The following KMT2A variants were observed in gnomAD, a reference collection of about 807,000 sequenced individuals.
KMT2A encodes lysine methyltransferase 2A.
KMT2A carries 16 observed loss-of-function variants against 345.3 expected under a neutral mutation model. The ratio of observed to expected loss-of-function variants is 0.05; its 90% confidence interval spans 0.03 to 0.07. The LOEUF is 0.07. Ranked by LOEUF, KMT2A falls within the 10% of genes least tolerant of loss-of-function variation. KMT2A has a pLI of 1.00. For synonymous variants in KMT2A, 1,599 were observed against 1,778.6 expected, an observed-to-expected ratio of 0.90 and a Z score of 2.54; for missense variants, 3,272 against 4,841.6, an observed-to-expected ratio of 0.68 and a Z score of 9.62.
chr11:118,490,295 G>A lies in KMT2A; in HGVS notation c.4696+46G>A. 6.6e-7 allele frequency: 1 copy of A among 1,511,816 alleles called. No homozygotes were observed. The highest frequency in any genetic ancestry group is 8.8e-7 in the Non-Finnish European group (1 of 1,139,284). The allele number at this position is 1,511,816 out of a possible 1,614,324, so 93.7% of individuals were successfully genotyped here. On this transcript the variant is annotated intron_variant, in intron 13 of 35. Coordinates refer to ENST00000534358, the MANE Select transcript of KMT2A (RefSeq NM_001197104.2). This position sits in a 1 kb window ranked among gnomAD's most constrained non-coding sequence, Gnocchi z 4.2. ...TGCCAGCTTTCGGAGGTTGTACTTGGTGTTCTGGAGGTGAACTAGACTCTA... is the reference window on the plus strand; with the variant it reads ...TGCCAGCTTTCGGAGGTTGTACTTGATGTTCTGGAGGTGAACTAGACTCTA...
Position 118,500,977 on chromosome 11 carries a change from G to T in KMT2A, c.6159-10G>T, listed in dbSNP as rs868926850. The T allele has an allele frequency of 1.9e-6, 3 of 1,603,164 alleles. No homozygotes were observed. The highest frequency in any genetic ancestry group is 1.7e-4 in the Middle Eastern group (1 of 6,016). On this transcript the variant is annotated splice_polypyrimidine_tract_variant and intron_variant, in intron 24 of 35. Coordinates refer to ENST00000534358, the MANE Select transcript of KMT2A (RefSeq NM_001197104.2). The stretch of plus-strand genomic sequence containing the variant: ...CCCTTATGATGATTTTCCCAAATCT[G>T]TTTACCCAGGTGTTCCAGGGTATAC...
At chr11:118,512,052 C>G in intron 31 of KMT2A, 27 bp downstream of exon 31, 1 of 1,588,884 alleles carries the variant, frequency 6.3e-7, no homozygotes, top group Non-Finnish European at 8.6e-7. Flanking sequence ...TTATTCCACT[C>G]CTGTCTCAGA....
intron 10 of KMT2A, among the ~76,000 whole-genome samples, chr11:118,487,295 C>T (rs1473507171): frequency 6.6e-6 from 1 of 152,078 alleles, no homozygotes; most frequent in African/African-American, 2.4e-5. Flanking sequence ...TATAATTGTT[C>T]TGATCTAAAT....
chr11:118,489,726 C>CT, intron 11 of KMT2A, 66 bp from the exon 12 acceptor site: 2 of 1,316,752 alleles, frequency 1.5e-6, no homozygotes, highest in Non-Finnish European at 2.2e-6. Context: ...AAATGGGGTA[C>CT]TAAGTAATAG....
Position 118,494,840 on chromosome 11 carries a change from G to A in KMT2A, c.5363+73G>A. On this transcript the variant is annotated intron_variant, in intron 18 of 35. Transcript: ENST00000534358. The surrounding 1 kb of genome is among the most constrained non-coding windows in gnomAD (Gnocchi z 5.8). The stretch of plus-strand genomic sequence containing the variant: ...CTGAGAGTTCTCATATTTCTAGATT[G>A]CAGTTTTCCAAAAGGTTTTAATACT... 10 of 1,244,268 alleles carry A rather than the reference G, an allele frequency of 8.0e-6. No homozygotes were observed. The highest frequency in any genetic ancestry group is 1.2e-5 in the Non-Finnish European group (10 of 858,186). The allele number at this position is 1,244,268 out of a possible 1,614,324, so 77.1% of individuals were successfully genotyped here. A position where few individuals can be genotyped will look rare whatever the true frequency, so the allele number is the denominator to read the frequency against.
rs782215946 is a variant in KMT2A at position 118,473,759 on chromosome 11, G to C, written c.2600G>C (p.Ser867Thr). The C allele has an allele frequency of 1.2e-6, 2 of 1,613,962 alleles. No homozygotes were observed. Among genetic ancestry groups the C allele is most frequent in the Non-Finnish European group, 1.7e-6 (2 of 1,179,922 alleles). ...TCCAAAGATCGAGATGCTGACAAGA[G>C]CGTGGAGAAGGACAAGAGTAGAGAG... is the stretch of plus-strand genomic sequence containing the variant. ...ELSKDRDADKSVEKDKSRERD... is the reference protein window; with the variant it reads ...ELSKDRDADKTVEKDKSRERD... Residue 867 changes from serine (S) to threonine (T), a missense_variant, in exon 3 of 36, where the codon AGC (serine) becomes ACC (threonine). Coordinates refer to ENST00000534358, the MANE Select transcript of KMT2A (RefSeq NM_001197104.2). This position sits in a 1 kb window ranked among gnomAD's most constrained non-coding sequence, Gnocchi z 5.2.
In KMT2A at chr11:118,501,103, A is replaced by G; in HGVS notation, c.6275A>G (p.His2092Arg). Residue 2092 changes from histidine to arginine, a missense_variant, in exon 25 of 36, where the codon CAT becomes CGT. By Grantham distance (29) the His-to-Arg change is conservative. Transcript: ENST00000534358. Reference sequence around the variant, plus strand: ...CCGGATATCAACAGCACTGTTGAACATGATGAAAACAGGACCATTGCCCAT... The same window carrying G: ...CCGGATATCAACAGCACTGTTGAACGTGATGAAAACAGGACCATTGCCCAT... ...VEPDINSTVE[H>R]DENRTIAHSP... The G allele has an allele frequency of 6.2e-7, 1 of 1,614,140 alleles. No homozygotes were observed. The highest frequency in any genetic ancestry group is 2.2e-5 in the East Asian group (1 of 44,892).
chr11:118,439,042 T>C (rs1455665167), intron 1 of KMT2A: 2 of 513,808 alleles, frequency 3.9e-6, no homozygotes, highest in Non-Finnish European at 7.8e-6. Flanking sequence ...ACAGATCCCA[T>C]GTAGTTGGAG....
At chr11:118,469,897 G>A (rs561452141) in intron 2 of KMT2A, among the ~76,000 whole-genome samples, 1 of 152,296 alleles carries the variant, frequency 6.6e-6, no homozygotes, top group South Asian at 2.1e-4. Context: ...GGGGGCAGTT[G>A]GCCAGTAGTG....
At position 118,485,066 on chromosome 11, in the gene KMT2A, CA is replaced by C; in HGVS notation, c.4332+92del. ...TATAGTCTGTTTTGTTGGTATTTAG[CA>C]GGTACTATTCCCTGTTTAAACCAGC... On this transcript the variant is annotated intron_variant, in intron 10 of 35. Transcript: ENST00000534358. The C allele has an allele frequency of 5.0e-6, 4 of 804,696 alleles. No homozygotes were observed. The Admixed American group carries it at 8.9e-5, about 18-fold the overall frequency. 49.8% of individuals were successfully genotyped at this position (804,696 alleles called of 1,614,324 possible). A position where few individuals can be genotyped will look rare whatever the true frequency, so the allele number is the denominator to read the frequency against.
intron 10 of KMT2A, among the ~76,000 whole-genome samples, chr11:118,488,074 G>A (rs1555041379): frequency 6.6e-6 from 1 of 152,178 alleles, no homozygotes; most frequent in East Asian, 1.9e-4. Context: ...CAGCTACTCA[G>A]GAGACTGAGG....
At chr11:118,437,785 A>T (rs558405021) in intron 1 of KMT2A, among the ~76,000 whole-genome samples, 1 of 151,458 alleles carries the variant, frequency 6.6e-6, no homozygotes, top group East Asian at 2.0e-4. Context: ...GATTAGTGGC[A>T]TCTTGGAGGG....
intron 1 of KMT2A, among the ~76,000 whole-genome samples, chr11:118,437,211 C>G (rs1190234836): frequency 6.6e-6 from 1 of 151,820 alleles, no homozygotes; most frequent in African/African-American, 2.4e-5. Context: ...TGGCACAGAC[C>G]CCCTCGCCGG....
Position 118,505,871 on chromosome 11 carries a change from A to G in KMT2A, c.9979A>G (p.Ser3327Gly), listed in dbSNP as rs1555048035. Residue 3327 changes from serine to glycine, a missense_variant, in exon 27 of 36, where the codon AGC (serine) becomes GGC (glycine). By Grantham distance (56) the Ser-to-Gly change is moderately conservative. Transcript: ENST00000534358. The surrounding 1 kb of genome is among the most constrained non-coding windows in gnomAD (Gnocchi z 4.6). Reference sequence around the variant, plus strand: ...CACATCAACAATAAGCCAGGATACTAGCCACCTCACATCAGGGTCTGTGTC... The same window carrying G: ...CACATCAACAATAAGCCAGGATACTGGCCACCTCACATCAGGGTCTGTGTC... Reference protein sequence around the residue: ...AGTSTISQDTSHLTSGSVSGL... With the variant: ...AGTSTISQDTGHLTSGSVSGL... 3 of 1,614,214 alleles carry G rather than the reference A, an allele frequency of 1.9e-6. No individual in the cohort carries two copies. In the Admixed American group the frequency reaches 5.0e-5, roughly 27 times the overall value.
In KMT2A at chr11:118,496,211, C is replaced by G; in HGVS notation, c.5558-50C>G. 1.5e-6 allele frequency: 2 copies of G among 1,326,264 alleles called. No individual in the cohort carries two copies. The highest frequency in any genetic ancestry group is 2.2e-6 in the Non-Finnish European group (2 of 919,668). 82.2% of individuals were successfully genotyped at this position (1,326,264 alleles called of 1,614,324 possible). On this transcript the variant is annotated intron_variant, in intron 19 of 35. Transcript: ENST00000534358. The surrounding 1 kb of genome is among the most constrained non-coding windows in gnomAD (Gnocchi z 4.7). Reference sequence around the variant, plus strand: ...TCCTTGAAATCAGACATAGTATTGCCAATTTTAACTGGATCTCAAGGTATT... The same window carrying G: ...TCCTTGAAATCAGACATAGTATTGCGAATTTTAACTGGATCTCAAGGTATT...
rs1951035657 is a variant in KMT2A, at chr11:118,524,347, C to T, written c.*2175C>T. 2 of 191,904 alleles carry T rather than the reference C, an allele frequency of 1.0e-5. No individual in the cohort carries two copies. Among genetic ancestry groups the T allele is most frequent in the Non-Finnish European group, 2.2e-5 (2 of 91,280 alleles). The allele number at this position is 191,904 out of a possible 1,614,324, so 11.9% of individuals were successfully genotyped here. A position where few individuals can be genotyped will look rare whatever the true frequency, so the allele number is the denominator to read the frequency against. ...CCTATGGAAGTCTAGCAAAGCAATA[C>T]GACTCAGCCCAGCACTCTCTGCCCC... On this transcript the variant is annotated 3_prime_UTR_variant, in exon 36 of 36. Transcript: ENST00000534358.
rs1484155195 is a variant in KMT2A, at chr11:118,520,599, C to T, written c.11430-203C>T. ...CCAGGAGGCGGAGGTTACAGTGAGC[C>T]GAGATCGCACCACTGGACTCCAGCC... On this transcript the variant is annotated intron_variant, in intron 33 of 35. Transcript: ENST00000534358. The surrounding 1 kb of genome is among the most constrained non-coding windows in gnomAD (Gnocchi z 4.3). 5.4e-6 allele frequency: 3 copies of T among 558,936 alleles called. No individual in the cohort carries two copies. The highest frequency in any genetic ancestry group is 1.9e-5 in the African/African-American group (1 of 52,898). 34.6% of individuals were successfully genotyped at this position (558,936 alleles called of 1,614,324 possible). A position where few individuals can be genotyped will look rare whatever the true frequency, so the allele number is the denominator to read the frequency against.
In KMT2A at chr11:118,502,528, A is replaced by G. The variant is rs1555046057; in HGVS notation, c.6636A>G (p.Ile2212Met). 1 of 1,614,120 alleles carries G rather than the reference A, an allele frequency of 6.2e-7. No individual in the cohort carries two copies. Among genetic ancestry groups the G allele is most frequent in the Admixed American group, 1.7e-5 (1 of 60,010 alleles). Reference protein sequence around the residue: ...SLSPQRSKLRIMSPMRTGNTY... With the variant: ...SLSPQRSKLRMMSPMRTGNTY... ...CACCCCAGCGGTCCAAACTCCGGAT[A>G]ATGTCTCCAATGAGAACTGGGAATA... Residue 2212 changes from isoleucine (I) to methionine (M), a missense_variant, in exon 27 of 36, where the codon ATA becomes ATG. Around this residue, in one of 27 missense-constraint regions of KMT2A, gnomAD observed 445 missense variants for 500.9 expected, o/e 0.89. Coordinates refer to ENST00000534358, the MANE Select transcript of KMT2A (RefSeq NM_001197104.2). This position sits in a 1 kb window ranked among gnomAD's most constrained non-coding sequence, Gnocchi z 4.9.
Position 118,493,352 on chromosome 11 carries a change from C to T in KMT2A, c.5178+122C>T, listed in dbSNP as rs1390590183. 4.2e-6 allele frequency: 3 copies of T among 721,434 alleles called. No individual in the cohort carries two copies. The African/African-American group carries it at 5.4e-5, about 13-fold the overall frequency. 44.7% of individuals were successfully genotyped at this position (721,434 alleles called of 1,614,324 possible). The stretch of plus-strand genomic sequence containing the variant: ...AATTGTATTATATTTAGAAATGTCA[C>T]GTGGCTTTAGATACCTAAAAATGTA... On this transcript the variant is annotated intron_variant, in intron 16 of 35. Transcript: ENST00000534358. This position sits in a 1 kb window ranked among gnomAD's most constrained non-coding sequence, Gnocchi z 5.8.
Sources: allele counts gnomAD v4.1 joint callset (sites outside exome capture counted in the v4.1 genomes callset), GRCh38; gene constraint gnomAD v4.1.1; regional missense constraint gnomAD v4.1.1; non-coding constraint Gnocchi (gnomAD v3.1); transcripts MANE v1.5; gene names NCBI Gene and HGNC (gene_info 2026-07-23, HGNC 2026-07-21).